Variants in MAP1B observed in about 807,000 individuals in gnomAD.
MAP1B encodes microtubule-associated protein 1B.
In MAP1B, 12 loss-of-function variants were observed where a neutral mutation model predicts 176.1. The observed-to-expected ratio is 0.07, with a 90% CI of 0.04 to 0.11. The LOEUF (loss-of-function observed/expected upper bound fraction) is 0.11, where lower values mean the gene tolerates loss of function less well. Ranked by LOEUF, MAP1B falls within the 10% of genes least tolerant of loss-of-function variation. The pLI is 1.00. For synonymous variants in MAP1B, 1,044 were observed against 1,135.0 expected (o/e 0.92, Z 1.61); for missense variants, 2,523 against 2,990.5 (o/e 0.84, Z 3.65).
Position 72,199,921 on chromosome 5 carries a change from C to T in MAP1B, c.6566C>T (p.Thr2189Ile). ...DSEDESETIPTDKTVTYKHMD... is the reference protein window; with the variant it reads ...DSEDESETIPIDKTVTYKHMD... Reference sequence around the variant, plus strand: ...GAAGACGAGTCGGAAACCATCCCCACAGACAAAACTGTCACGTACAAACAC... The same window carrying T: ...GAAGACGAGTCGGAAACCATCCCCATAGACAAAACTGTCACGTACAAACAC... The change falls in exon 5 of 7, where the codon ACA (threonine) becomes ATA (isoleucine). Residue 2189 changes from threonine (T) to isoleucine (I), a missense_variant. Thr to Ile is a moderately conservative substitution (Grantham distance 89). This residue lies in a region of MAP1B where 287 missense variants were observed against 401.5 expected (regional missense o/e 0.71). Transcript: ENST00000296755. The surrounding 1 kb of genome is among the most constrained non-coding windows in gnomAD (Gnocchi z 4.2). 1 of 1,614,192 alleles carries T rather than the reference C, an allele frequency of 6.2e-7. No individual in the cohort carries two copies. The highest frequency in any genetic ancestry group is 8.5e-7 in the Non-Finnish European group (1 of 1,180,030).
chr5:72,166,410 C>T (rs2112187222), intron 2 of MAP1B, among the ~76,000 whole-genome samples: 1 of 152,254 alleles, frequency 6.6e-6, no homozygotes, highest in East Asian at 1.9e-4. Context: ...CGATGGGCAT[C>T]TGTTTGTAAA....
chr5:72,163,916 C>CTTTTTTTTT (rs796802217), intron 2 of MAP1B, among the ~76,000 whole-genome samples: 2 of 97,100 alleles, frequency 2.1e-5, no homozygotes, highest in Admixed American at 1.3e-4. Context: ...CTCTCTCTCT[C>CTTTTTTTTT]TTTTTTTTTT....
Position 72,193,919 on chromosome 5 carries a change from G to A in MAP1B, c.564G>A (p.Leu188=), listed in dbSNP as rs62363240. 1.2e-6 allele frequency: 2 copies of A among 1,613,804 alleles called. No homozygotes were observed. The highest frequency in any genetic ancestry group is 4.5e-5 in the East Asian group (2 of 44,892). ...THPANKASLT[L]FCPEEGDWKN... ...CTGCCAACAAAGCCAGCTTAACCCT[G>A]TTCTGTCCTGAAGAAGGGGACTGGA... is the stretch of plus-strand genomic sequence containing the variant. Residue 188 remains leucine (L), a synonymous_variant, in exon 5 of 7, where the codon CTG becomes CTA. Transcript: ENST00000296755.
rs1747420742 is a variant in MAP1B, at chr5:72,205,169, T to C, written c.7337T>C (p.Met2446Thr). The stretch of plus-strand genomic sequence containing the variant: ...GAGAAACAGCAAGATCTCAACATCA[T>C]GGTTTTAGCAAGCAGCAGCACAGTG... ...THEKQQDLNIMVLASSSTVVM... is the reference protein window; with the variant it reads ...THEKQQDLNITVLASSSTVVM... Residue 2446 changes from methionine to threonine, a missense_variant, in exon 7 of 7, where the codon ATG becomes ACG. By Grantham distance (81) the Met-to-Thr change is moderately conservative (BLOSUM62 -1). Transcript: ENST00000296755. The C allele has an allele frequency of 1.9e-6, 3 of 1,614,032 alleles. No homozygotes were observed. Among genetic ancestry groups the C allele is most frequent in the South Asian group, 2.2e-5 (2 of 91,078 alleles).
At chr5:72,189,650 T>G (rs2112223868) in intron 4 of MAP1B, among the ~76,000 whole-genome samples, 1 of 151,700 alleles carries the variant, frequency 6.6e-6, no homozygotes, top group South Asian at 2.1e-4. Flanking sequence ...AGTTATAATC[T>G]GCACTGCACT....
In MAP1B at chr5:72,183,764, G is replaced by A. The variant is rs1746831998; in HGVS notation, c.308G>A (p.Arg103Gln). 2 of 1,613,952 alleles carry A rather than the reference G, an allele frequency of 1.2e-6. No homozygotes were observed. The highest frequency in any genetic ancestry group is 1.7e-5 in the Admixed American group (1 of 60,002). Residue 103 changes from arginine (R) to glutamine (Q), a missense_variant, in exon 3 of 7, where the codon CGA (arginine) becomes CAA (glutamine). Arg to Gln is a conservative substitution (Grantham distance 43). Coordinates refer to ENST00000296755, the MANE Select transcript of MAP1B (RefSeq NM_005909.5). ...GCAGGACAAAAGATCCTTCATCACC[G>A]AAGTGACGTTTTAGAAACAGTGGTC... ...EVPGQKILHHRSDVLETVVLI... is the reference protein window; with the variant it reads ...EVPGQKILHHQSDVLETVVLI...
intron 1 of MAP1B, among the ~76,000 whole-genome samples, chr5:72,111,285 A>G (rs949294133): frequency 1.3e-5 from 2 of 152,192 alleles, no homozygotes; most frequent in African/African-American, 2.4e-5. Context: ...ACTAAAACAT[A>G]TAAAGAATAT....
rs1335834052 is a variant in MAP1B at position 72,199,890 on chromosome 5, G to A, written c.6535G>A (p.Asp2179Asn). The change falls in exon 5 of 7, where the codon GAC becomes AAC. Residue 2179 changes from aspartate (D) to asparagine (N), a missense_variant. Transcript: ENST00000296755. This position sits in a 1 kb window ranked among gnomAD's most constrained non-coding sequence, Gnocchi z 4.2. ...CPSITADANI[D>N]SEDESETIPT... ...CTCCATCACGGCCGATGCCAATATC[G>A]ACTCTGAAGACGAGTCGGAAACCAT... 2 of 1,614,054 alleles carry A rather than the reference G, an allele frequency of 1.2e-6. No individual in the cohort carries two copies.
intron 2 of MAP1B, 131 bp downstream of exon 2, chr5:72,115,930 T>C (rs1292123773): frequency 1.6e-6 from 1 of 634,536 alleles, no homozygotes; most frequent in Admixed American, 2.5e-5. Context: ...TATTATCAAC[T>C]AGGTTAGCCA....
intron 3 of MAP1B, among the ~76,000 whole-genome samples, chr5:72,185,371 A>C (rs946462259): frequency 3.3e-5 from 5 of 152,216 alleles, no homozygotes; most frequent in African/African-American, 7.2e-5. Context: ...GGAAGTAATT[A>C]CAGCTTGAAA....
chr5:72,182,829 C>G (rs1172112373), intron 2 of MAP1B, among the ~76,000 whole-genome samples: 2 of 152,138 alleles, frequency 1.3e-5, no homozygotes, highest in Non-Finnish European at 2.9e-5. Context: ...GAGAGAACAC[C>G]CACTTCCCTG....
Position 72,198,406 on chromosome 5 carries a change from C to T in MAP1B, c.5051C>T (p.Pro1684Leu). The change falls in exon 5 of 7, where the codon CCA becomes CTA. Residue 1684 changes from proline to leucine, a missense_variant. Around this residue, in one of 4 missense-constraint regions of MAP1B, gnomAD observed 1,925 missense variants for 2,126.0 expected, o/e 0.91. Transcript: ENST00000296755. ...AGVLHITENGPTEVDYSPSDM... is the reference protein window; with the variant it reads ...AGVLHITENGLTEVDYSPSDM... ...GTGCTTCACATCACTGAAAATGGGC[C>T]AACTGAAGTGGACTACAGTCCTTCT... is the stretch of plus-strand genomic sequence containing the variant. 1 of 1,614,094 alleles carries T rather than the reference C, an allele frequency of 6.2e-7. No homozygotes were observed. The highest frequency in any genetic ancestry group is 1.1e-5 in the South Asian group (1 of 91,088).
intron 2 of MAP1B, among the ~76,000 whole-genome samples, chr5:72,149,407 GTTT>G (rs1418868505): frequency 2.0e-5 from 3 of 152,240 alleles, no homozygotes; most frequent in East Asian, 3.9e-4. Context: ...GCAAAATCTC[GTTT>G]TTCTTTTTCC....
chr5:72,133,396 C>A (rs116236333), intron 2 of MAP1B, among the ~76,000 whole-genome samples: 125 of 152,334 alleles, frequency 8.2e-4, no homozygotes, highest in African/African-American at 3.0e-3. Flanking sequence ...ATCTGATACC[C>A]TGCAGTAAGC....
intron 5 of MAP1B, among the ~76,000 whole-genome samples, chr5:72,200,838 AT>A (rs1216210587): frequency 2.6e-5 from 4 of 152,232 alleles, no homozygotes; most frequent in East Asian, 1.9e-4. Context: ...TTTAAAAAAA[AT>A]TTTTTTTAAA....
intron 2 of MAP1B, among the ~76,000 whole-genome samples, chr5:72,176,640 A>G (rs1196143713): frequency 6.6e-6 from 1 of 152,180 alleles, no homozygotes; most frequent in Non-Finnish European, 1.5e-5. Flanking sequence ...AAAGGATTAG[A>G]TTTTGTCACT....
At chr5:72,181,745 G>A (rs532308314) in intron 2 of MAP1B, among the ~76,000 whole-genome samples, 3 of 139,320 alleles carry the variant, frequency 2.2e-5, no homozygotes, top group South Asian at 2.2e-4. Flanking sequence ...TTTTTGAGAC[G>A]GAGTCTCGCA....
Position 72,189,256 on chromosome 5 carries a change from G to A in MAP1B, c.510+2502G>A, listed in dbSNP as rs145283846. Among the ~76,000 whole-genome samples the A allele has an allele frequency of 4.7e-4, 71 of 152,236 alleles. 1 individual carries two copies. The East Asian group carries it at 0.011, about 24-fold the overall frequency. On this transcript the variant is annotated intron_variant, in intron 4 of 6. Transcript: ENST00000296755. ...ATTAACAAAACCAGAACTAACAGAC[G>A]GTACAATTGTCTGGCTAACCCCACT...
At chr5:72,120,718 G>T (rs1013586447) in intron 2 of MAP1B, among the ~76,000 whole-genome samples, 7 of 152,206 alleles carry the variant, frequency 4.6e-5, no homozygotes, top group Non-Finnish European at 7.4e-5. Context: ...GAGCCACTGC[G>T]CCCGGCCCCA....
Sources: allele counts gnomAD v4.1 joint callset (sites outside exome capture counted in the v4.1 genomes callset), GRCh38; gene constraint gnomAD v4.1.1; regional missense constraint gnomAD v4.1.1; non-coding constraint Gnocchi (gnomAD v3.1); transcripts MANE v1.5; gene names NCBI Gene and HGNC (gene_info 2026-07-23, HGNC 2026-07-21).